Variants in CUL5 observed in about 807,000 individuals in gnomAD.
CUL5 encodes the protein cullin 5, also known as cullin-5.
CUL5 carries 26 observed loss-of-function variants against 108.8 expected under a neutral mutation model. The ratio of observed to expected loss-of-function variants is 0.24; its 90% CI spans 0.18 to 0.33. CUL5 has a LOEUF of 0.33. Among genes scored for constraint, CUL5 ranks in the 10% least tolerant of loss-of-function variants. CUL5 has a pLI of 1.00. For synonymous variants in CUL5, 334 were observed against 298.0 expected (o/e 1.12, Z -1.25); for missense variants, 524 against 909.2 (o/e 0.58, Z 5.45).
At chr11:108,050,906 C>T (rs1267607819) in intron 4 of CUL5, among the ~76,000 whole-genome samples, 1 of 152,168 alleles carries the variant, frequency 6.6e-6, no homozygotes, top group Admixed American at 6.5e-5. Flanking sequence ...TATGAAGGGT[C>T]CTAGGTTTCC....
intron 3 of CUL5, among the ~76,000 whole-genome samples, chr11:108,049,395 G>A (rs1317438617): frequency 6.6e-6 from 1 of 151,802 alleles, no homozygotes; most frequent in Non-Finnish European, 1.5e-5. Context: ...AGGCCAGAGT[G>A]CAGTGGTGCA....
In CUL5 at chr11:108,105,232, G is replaced by A. The variant is rs1473433325; in HGVS notation, c.*848G>A. ...ATTAAGTGTGTTTACTAAACATATT[G>A]TGTGTTTACTAACACACTTAATGTT... On this transcript the variant is annotated 3_prime_UTR_variant, in exon 19 of 19. Transcript: ENST00000393094. 6.6e-6 allele frequency: 1 copy of A among 152,012 alleles called. No individual in the cohort carries two copies. Among genetic ancestry groups the A allele is most frequent in the Non-Finnish European group, 1.5e-5 (1 of 67,970 alleles). 9.4% of individuals were successfully genotyped at this position (152,012 alleles called of 1,614,324 possible). A position where few individuals can be genotyped will look rare whatever the true frequency, so the allele number is the denominator to read the frequency against.
At chr11:108,010,349 AAAT>A (rs1447067494) in intron 1 of CUL5, among the ~76,000 whole-genome samples, 1 of 152,242 alleles carries the variant, frequency 6.6e-6, no homozygotes, top group Non-Finnish European at 1.5e-5. Flanking sequence ...GAATACTAGA[AAAT>A]AATAGAAAAT....
intron 5 of CUL5, among the ~76,000 whole-genome samples, chr11:108,053,313 G>C (rs1863283873): frequency 6.6e-6 from 1 of 152,126 alleles, no homozygotes; most frequent in Non-Finnish European, 1.5e-5. Flanking sequence ...CCTTGGCATA[G>C]TACTTTTGTT....
intron 2 of CUL5, among the ~76,000 whole-genome samples, chr11:108,039,739 C>A (rs1862844488): frequency 6.6e-6 from 1 of 152,174 alleles, no homozygotes; most frequent in African/African-American, 2.4e-5. Flanking sequence ...GAAAGACATA[C>A]TGTTTTTTAA....
chr11:108,042,353 G>A lies in CUL5; in HGVS notation c.135-3917G>A, dbSNP rs73555392. 9.9e-3 allele frequency among the ~76,000 whole-genome samples: 1,508 copies of A among 151,732 alleles called. 25 individuals are homozygous for A. Among genetic ancestry groups the A allele is most frequent in the African/African-American group, 0.035 (1,427 of 41,344 alleles). ...CATGCCTCAGCCTCCCAAATTGCTG[G>A]GACAACAGGCGTGCCTCACCACACC... is the stretch of plus-strand genomic sequence containing the variant. On this transcript the variant is annotated intron_variant, in intron 2 of 18. Transcript: ENST00000393094.
At chr11:108,012,033 T>C (rs1458058615) in intron 1 of CUL5, among the ~76,000 whole-genome samples, 1 of 152,264 alleles carries the variant, frequency 6.6e-6, no homozygotes. Flanking sequence ...TAAAGATTTG[T>C]GTAGCACATT....
chr11:108,095,271 G>C (rs1381275690), intron 15 of CUL5, among the ~76,000 whole-genome samples: 1 of 152,130 alleles, frequency 6.6e-6, no homozygotes, highest in East Asian at 1.9e-4. Flanking sequence ...TTTCATTAGG[G>C]ACAACTTCTA....
chr11:108,051,121 C>T (rs1226915564), intron 4 of CUL5, among the ~76,000 whole-genome samples: 2 of 152,068 alleles, frequency 1.3e-5, no homozygotes, highest in African/African-American at 4.8e-5. Context: ...AAAATTTGAT[C>T]TGATGTTGAC....
chr11:108,076,025 G>T (rs1319592780), intron 10 of CUL5, among the ~76,000 whole-genome samples: 18 of 151,826 alleles, frequency 1.2e-4, no homozygotes, highest in Admixed American at 1.2e-3. Flanking sequence ...AATTTGTTTT[G>T]TTTTATTTAT....
intron 1 of CUL5, among the ~76,000 whole-genome samples, chr11:108,033,284 A>C (rs1862642176): frequency 6.6e-6 from 1 of 152,136 alleles, no homozygotes; most frequent in East Asian, 1.9e-4. Context: ...GTTTTGATGG[A>C]GCTTATTCAC....
chr11:108,012,273 A>G (rs1862073475), intron 1 of CUL5, among the ~76,000 whole-genome samples: 1 of 152,000 alleles, frequency 6.6e-6, no homozygotes, highest in Non-Finnish European at 1.5e-5. Context: ...TTTCATTTCC[A>G]GTTTATTGTT....
At chr11:108,076,335 A>G (rs1863939385) in intron 10 of CUL5, among the ~76,000 whole-genome samples, 1 of 152,154 alleles carries the variant, frequency 6.6e-6, no homozygotes. Context: ...TGCCCAGCCC[A>G]GTATAATTTT....
At chr11:108,010,037 T>C (rs1862025049) in intron 1 of CUL5, among the ~76,000 whole-genome samples, 2 of 152,260 alleles carry the variant, frequency 1.3e-5, no homozygotes, top group South Asian at 4.1e-4. Flanking sequence ...GAAAGTTACC[T>C]TGTCAAAGAC....
intron 2 of CUL5, among the ~76,000 whole-genome samples, chr11:108,041,178 G>A (rs1862897133): frequency 6.6e-6 from 1 of 152,066 alleles, no homozygotes; most frequent in South Asian, 2.1e-4. Context: ...CCTCTACAGG[G>A]ATCACACCTA....
intron 13 of CUL5, among the ~76,000 whole-genome samples, chr11:108,093,701 T>A (rs960411155): frequency 9.2e-5 from 14 of 152,322 alleles, no homozygotes; most frequent in African/African-American, 2.2e-4. Flanking sequence ...TTACATTTTT[T>A]AAAAATTTAT....
chr11:108,036,565 A>G (rs979286377), intron 2 of CUL5, among the ~76,000 whole-genome samples: 8 of 151,952 alleles, frequency 5.3e-5, no homozygotes, highest in African/African-American at 1.9e-4. Context: ...TGCAACCTCC[A>G]CCTCCCAGGT....
chr11:108,017,225 A>C (rs1331588803), intron 1 of CUL5, among the ~76,000 whole-genome samples: 1 of 151,826 alleles, frequency 6.6e-6, no homozygotes, highest in Non-Finnish European at 1.5e-5. Flanking sequence ...TCGTCTCTAC[A>C]AAAAATAAAA....
intron 2 of CUL5, among the ~76,000 whole-genome samples, chr11:108,043,220 C>A (rs1862978162): frequency 1.3e-5 from 2 of 152,210 alleles, no homozygotes; most frequent in Admixed American, 1.3e-4. Context: ...CAGGCATGTG[C>A]CACCATGCCC....
Sources: gnomAD v4.1 joint callset for allele counts (sites outside exome capture counted in the v4.1 genomes callset) on GRCh38, gnomAD v4.1.1 for gene constraint, MANE v1.5 for transcripts, NCBI Gene and HGNC (gene_info 2026-07-23, HGNC 2026-07-21) for gene names.